FARP2: variants seen among roughly 807,000 people sequenced by gnomAD.
The protein encoded by FARP2 is FERM, ARHGEF and pleckstrin domain-containing protein 2.
Under a neutral mutation model 130.5 loss-of-function variants are expected in FARP2, and 111 were observed. That is an observed-to-expected ratio of 0.85 (90% CI 0.73 to 1.00). The LOEUF is 1.00. Among genes scored for constraint, FARP2 ranks in the 50% least tolerant of loss-of-function variants. FARP2 has a pLI of 0.00. For synonymous variants in FARP2, 504 were observed against 516.9 expected, an observed-to-expected ratio of 0.98 and a Z score of 0.34; for missense variants, 1,385 against 1,346.3, an observed-to-expected ratio of 1.03 and a Z score of -0.45.
rs1388297069 is a variant in FARP2, at chr2:241,366,102, A to ATATATATAT, written c.-24-6982_-24-6981insTATATATAT. On this transcript the variant is annotated intron_variant, in intron 1 of 26. Coordinates refer to ENST00000264042, the MANE Select transcript of FARP2 (RefSeq NM_014808.4). ...AGACCTCATCACTACTAAAAAAAAA[A>ATATATATAT]AAATATATATATATATATACGTATA... 6.9e-3 allele frequency among the ~76,000 whole-genome samples: 239 copies of ATATATATAT among 34,620 alleles called. 4 individuals are homozygous for ATATATATAT. The highest frequency in any genetic ancestry group is 0.012 in the Non-Finnish European group (170 of 13,998). The allele number at this position is 34,620 out of a possible 152,430, so 22.7% of individuals were successfully genotyped here.
At chr2:241,454,176 A>G (rs1313380405) in intron 13 of FARP2, among the ~76,000 whole-genome samples, 2 of 152,128 alleles carry the variant, frequency 1.3e-5, no homozygotes, top group East Asian at 1.9e-4. Context: ...ACACATTATG[A>G]TGGGCCTCGT....
chr2:241,361,041 A>AAAC (rs1553704664), intron 1 of FARP2, among the ~76,000 whole-genome samples: 1 of 152,002 alleles, frequency 6.6e-6, no homozygotes, highest in Admixed American at 6.6e-5. Flanking sequence ...AAAAAAAAAA[A>AAAC]ACACACATCT....
chr2:241,491,483 G>GT (rs1559817430), intron 23 of FARP2, 33 bp from the exon 24 acceptor site: 1 of 1,611,162 alleles, frequency 6.2e-7, no homozygotes, highest in African/African-American at 1.3e-5. Flanking sequence ...GCCACAGGGG[G>GT]TTCCCCCTGA....
rs958148449 is a variant in FARP2 at position 241,493,353 on chromosome 2, G to A, written c.2956G>A (p.Ala986Thr). The A allele has an allele frequency of 6.2e-7, 1 of 1,613,888 alleles. No individual in the cohort carries two copies. The highest frequency in any genetic ancestry group is 1.3e-5 in the African/African-American group (1 of 74,930). ...CTACAGCGTGAGCATCCCCAGGGAG[G>A]CCGATGGCATACACAAAGACTATGT... The part of the protein sequence containing the change: ...LGYSVSIPRE[A>T]DGIHKDYVFK... Residue 986 changes from alanine to threonine, a missense_variant, in exon 26 of 27, where the codon GCC becomes ACC. Ala to Thr is a moderately conservative substitution (Grantham distance 58). Transcript: ENST00000264042.
At chr2:241,375,500 T>C (rs1006129920) in intron 2 of FARP2, among the ~76,000 whole-genome samples, 1 of 152,154 alleles carries the variant, frequency 6.6e-6, no homozygotes, top group East Asian at 1.9e-4. Flanking sequence ...ATAAATAAGA[T>C]GTAAATTCTT....
chr2:241,468,180 C>T lies in FARP2; in HGVS notation c.1934C>T (p.Thr645Ile). ...TTCCAAAGACATGACGAGGTCCTAACAGAACTGGAAAAGGCTACCAAACGC... is the reference window on the plus strand; with the variant it reads ...TTCCAAAGACATGACGAGGTCCTAATAGAACTGGAAAAGGCTACCAAACGC... ...SYFQRHDEVL[T>I]ELEKATKRCK... Residue 645 changes from threonine (T) to isoleucine (I), a missense_variant, in exon 18 of 27, where the codon ACA becomes ATA. By Grantham distance (89) the Thr-to-Ile change is moderately conservative. Coordinates refer to ENST00000264042, the MANE Select transcript of FARP2 (RefSeq NM_014808.4). 6.2e-7 allele frequency: 1 copy of T among 1,614,080 alleles called. No homozygotes were observed. Among genetic ancestry groups the T allele is most frequent in the Non-Finnish European group, 8.5e-7 (1 of 1,179,984 alleles).
intron 1 of FARP2, among the ~76,000 whole-genome samples, chr2:241,360,164 G>T (rs552604566): frequency 4.5e-4 from 68 of 152,232 alleles, no homozygotes; most frequent in African/African-American, 1.6e-3. Context: ...AGGAACTCCT[G>T]TATCCCTAAG....
rs2063957644 is a variant in FARP2 at position 241,459,617 on chromosome 2, C to T, written c.1587+2695C>T. 6.6e-6 allele frequency among the ~76,000 whole-genome samples: 1 copy of T among 152,184 alleles called. No individual in the cohort carries two copies. Among genetic ancestry groups the T allele is most frequent in the Non-Finnish European group, 1.5e-5 (1 of 68,034 alleles). ...CCACGCTCTGCATGGGCACATAGACCCTTCATGTGGGGACAGGTGGCGAAG... is the reference window on the plus strand; with the variant it reads ...CCACGCTCTGCATGGGCACATAGACTCTTCATGTGGGGACAGGTGGCGAAG... On this transcript the variant is annotated intron_variant, in intron 14 of 26. Transcript: ENST00000264042. The surrounding 1 kb of genome is among the most constrained non-coding windows in gnomAD (Gnocchi z 5.3).
chr2:241,391,066 G>A (rs1421694203), intron 2 of FARP2, among the ~76,000 whole-genome samples: 1 of 152,146 alleles, frequency 6.6e-6, no homozygotes, highest in African/African-American at 2.4e-5. Flanking sequence ...TCCTTTTTGT[G>A]AGTTTTCACA....
At chr2:241,422,260 C>CAA (rs1198628886) in intron 8 of FARP2, among the ~76,000 whole-genome samples, 74 of 91,964 alleles carry the variant, frequency 8.0e-4, no homozygotes, top group Admixed American at 1.2e-3. Flanking sequence ...ACTAAAAATA[C>CAA]AAAAAAAAAA....
At chr2:241,477,123 C>CTT (rs71406462) in intron 19 of FARP2, among the ~76,000 whole-genome samples, 5,339 of 122,568 alleles carry the variant, frequency 0.044, 429 homozygotes, top group Admixed American at 0.17. Context: ...ATTCATGTTC[C>CTT]TTTTTTTTTT....
At chr2:241,448,014 C>T (rs2063551576) in intron 13 of FARP2, among the ~76,000 whole-genome samples, 1 of 151,656 alleles carries the variant, frequency 6.6e-6, no homozygotes, top group African/African-American at 2.4e-5. Context: ...GGCAGTAAGC[C>T]CTTCCTGGAG....
chr2:241,435,114 G>T (rs2063192356), intron 11 of FARP2, 84 bp downstream of exon 11: 1 of 770,750 alleles, frequency 1.3e-6, no homozygotes, highest in Admixed American at 2.9e-5. Context: ...CGAAAAGAGA[G>T]ACTGAGTCTT....
At chr2:241,425,632 A>G (rs763804235) in intron 8 of FARP2, among the ~76,000 whole-genome samples, 1 of 136,606 alleles carries the variant, frequency 7.3e-6, no homozygotes, top group East Asian at 2.2e-4. Context: ...TATCCTACCA[A>G]GTAAAAAAAA....
intron 2 of FARP2, among the ~76,000 whole-genome samples, chr2:241,386,076 A>G (rs2061776940): frequency 6.6e-6 from 1 of 152,170 alleles, no homozygotes; most frequent in Non-Finnish European, 1.5e-5. Context: ...CCTGATGTGC[A>G]TATGGCACCA....
chr2:241,363,818 A>C (rs1296171494), intron 1 of FARP2, among the ~76,000 whole-genome samples: 1 of 152,264 alleles, frequency 6.6e-6, no homozygotes, highest in African/African-American at 2.4e-5. Flanking sequence ...ATAGGATTTA[A>C]ACAAGATCAA....
At chr2:241,457,155 C>T (rs1287439906) in intron 14 of FARP2, among the ~76,000 whole-genome samples, 2 of 152,234 alleles carry the variant, frequency 1.3e-5, no homozygotes, top group South Asian at 2.1e-4. Flanking sequence ...CGTACAAAAA[C>T]GAGTTTCCTT....
At chr2:241,363,626 C>T (rs547177786) in intron 1 of FARP2, among the ~76,000 whole-genome samples, 4 of 152,350 alleles carry the variant, frequency 2.6e-5, no homozygotes, top group African/African-American at 9.6e-5. Context: ...TGGGATAGAC[C>T]ATCGCCTGGA....
At chr2:241,391,568 A>T (rs183880065) in intron 2 of FARP2, among the ~76,000 whole-genome samples, 16 of 152,196 alleles carry the variant, frequency 1.1e-4, no homozygotes, top group African/African-American at 3.6e-4. Context: ...ACCTTCCCCC[A>T]CTTCTGAGAG....
Sources: gnomAD v4.1 joint callset for allele counts (sites outside exome capture counted in the v4.1 genomes callset) on GRCh38, gnomAD v4.1.1 for gene constraint, Gnocchi (gnomAD v3.1) non-coding constraint, MANE v1.5 for transcripts, NCBI Gene and HGNC (gene_info 2026-07-23, HGNC 2026-07-21) for gene names.